Variants in PRAMEF14 observed in about 807,000 individuals in gnomAD.
The protein encoded by PRAMEF14 is PRAME family member 14.
Under a neutral mutation model 38.3 loss-of-function variants are expected in PRAMEF14, and 24 were observed. The observed-to-expected ratio is 0.63, with a 90% CI of 0.45 to 0.88. The LOEUF (loss-of-function observed/expected upper bound fraction) is 0.88, where lower values mean the gene tolerates loss of function less well. PRAMEF14 is among the 40% of genes least tolerant of loss of function. The pLI is 0.00. For missense variants in PRAMEF14, 477 were observed against 570.8 expected, an observed-to-expected ratio of 0.84 and a Z score of 1.67; for synonymous variants, 194 against 226.4, an observed-to-expected ratio of 0.86 and a Z score of 1.29.
Position 13,344,114 on chromosome 1 carries a change from G to A in PRAMEF14, c.790C>T (p.Leu264Phe). 1 of 1,606,818 alleles carries A rather than the reference G, an allele frequency of 6.2e-7. No homozygotes were observed. The highest frequency in any genetic ancestry group is 8.5e-7 in the Non-Finnish European group (1 of 1,177,336). ...AGCAACTGGAGGTGTTCCAGCCTGA[G>A]GAACACAGAGCTGAATTTGGTGACT... ...RLVTKFSSVF[L>F]RLEHLQLLKI... Residue 264 changes from leucine to phenylalanine, a missense_variant, in exon 3 of 4, where the codon CTC becomes TTC. Physicochemically the swap from Leu to Phe is conservative, Grantham distance 22 (BLOSUM62 0). Transcript: ENST00000334600.
chr1:13,345,366 A>G lies in PRAMEF14; in HGVS notation c.-25-27T>C, dbSNP rs3951381. 3.7e-5 allele frequency: 59 copies of G among 1,594,124 alleles called. 3 individuals are homozygous for G. The highest frequency in any genetic ancestry group is 9.0e-5 in the South Asian group (8 of 89,052). On this transcript the variant is annotated intron_variant, in intron 1 of 3. Transcript: ENST00000334600. Reference sequence around the variant, plus strand: ...TAGAAGACAAATCCAGGGAAAATGTATCACTCTCATGGCAAACACAATCAT... The same window carrying G: ...TAGAAGACAAATCCAGGGAAAATGTGTCACTCTCATGGCAAACACAATCAT...
chr1:13,342,201 G>A lies in PRAMEF14; in HGVS notation c.*327C>T. On this transcript the variant is annotated 3_prime_UTR_variant, in exon 4 of 4. Coordinates refer to ENST00000334600, the MANE Select transcript of PRAMEF14 (RefSeq NM_001024661.2). Reference sequence around the variant, plus strand: ...ACATTTTCCTCCAGCCTTGCCCCCTGCTGTTATGTTTTTTTCCCTCACACT... The same window carrying A: ...ACATTTTCCTCCAGCCTTGCCCCCTACTGTTATGTTTTTTTCCCTCACACT... 2.7e-6 allele frequency: 1 copy of A among 376,604 alleles called. No homozygotes were observed. The highest frequency in any genetic ancestry group is 4.8e-6 in the Non-Finnish European group (1 of 209,866). 23.3% of individuals were successfully genotyped at this position (376,604 alleles called of 1,614,324 possible).
In PRAMEF14 at chr1:13,344,475, C is replaced by T. The variant is rs1256628019; in HGVS notation, c.429G>A (p.Glu143=). 51 of 1,607,062 alleles carry T rather than the reference C, an allele frequency of 3.2e-5. No individual in the cohort carries two copies. The Admixed American group carries it at 6.9e-4, about 22-fold the overall frequency. ...QTAEDCPRMG[E]HQPLKVFIDI... ...CTATGAACACCTTTAAGGGCTGGTG[C>T]TCTCCCATCCTTGGACAGTCCTCTG... The change falls in exon 3 of 4, where the codon GAG becomes GAA. Residue 143 remains glutamate (E), a synonymous_variant. Coordinates refer to ENST00000334600, the MANE Select transcript of PRAMEF14 (RefSeq NM_001024661.2).
chr1:13,342,596 C>G lies in PRAMEF14; in HGVS notation c.1357G>C (p.Gly453Arg), dbSNP rs776618897. 2.5e-6 allele frequency: 4 copies of G among 1,604,062 alleles called. 1 individual carries two copies. Among genetic ancestry groups the G allele is most frequent in the Non-Finnish European group, 3.4e-6 (4 of 1,177,354 alleles). ...EVRQPKRIFIGPTPCPSCGSS... is the reference protein window; with the variant it reads ...EVRQPKRIFIRPTPCPSCGSS... Reference sequence around the variant, plus strand: ...CCACAGGAAGGGCAGGGGGTGGGACCAATGAAGATCCTCTTGGGCTGCCTG... The same window carrying G: ...CCACAGGAAGGGCAGGGGGTGGGACGAATGAAGATCCTCTTGGGCTGCCTG... Residue 453 changes from glycine to arginine, a missense_variant, in exon 4 of 4, where the codon GGT becomes CGT. This residue lies in a region of PRAMEF14 where 151 missense variants were observed against 137.4 expected (regional missense o/e 1.10). Transcript: ENST00000334600.
Position 13,344,029 on chromosome 1 carries a change from C to G in PRAMEF14, c.866+9G>C. The G allele has an allele frequency of 6.2e-7, 1 of 1,608,232 alleles. No homozygotes were observed. The highest frequency in any genetic ancestry group is 8.5e-7 in the Non-Finnish European group (1 of 1,178,474). On this transcript the variant is annotated intron_variant, in intron 3 of 3. Transcript: ENST00000334600. ...TGGTCTGCATATAAAGTGCATGATC[C>G]TTCCTCACCTGATCAGCTGTTCCAG...
At chr1:13,345,536 G>C (rs1640390568) in intron 1 of PRAMEF14, among the ~76,000 whole-genome samples, 197 bp from the exon 2 acceptor site, 1 of 150,768 alleles carries the variant, frequency 6.6e-6, no homozygotes, top group Admixed American at 6.6e-5. Context: ...TGAAAGCCAA[G>C]CTCTACCTCT....
chr1:13,345,386 A>T, intron 1 of PRAMEF14, 47 bp from the exon 2 acceptor site: 1 of 1,535,150 alleles, frequency 6.5e-7, no homozygotes, highest in Non-Finnish European at 8.8e-7. Context: ...TGGCAAACAC[A>T]ATCATCTGCT....
intron 1 of PRAMEF14, among the ~76,000 whole-genome samples, chr1:13,346,499 C>G (rs1233215536): frequency 4.0e-5 from 6 of 149,420 alleles, no homozygotes; most frequent in Non-Finnish European, 8.9e-5. Context: ...AATAGGGAAA[C>G]TCCATCTCAA....
At chr1:13,343,911 A>G in intron 3 of PRAMEF14, 127 bp downstream of exon 3, 1 of 1,506,474 alleles carries the variant, frequency 6.6e-7, no homozygotes, top group African/African-American at 1.4e-5. Context: ...CAATGTGTTG[A>G]CATTCTGGTG....
At chr1:13,345,448 A>T (rs1640389298) in intron 1 of PRAMEF14, 109 bp from the exon 2 acceptor site, 2 of 1,344,666 alleles carry the variant, frequency 1.5e-6, no homozygotes, top group Admixed American at 2.3e-5. Flanking sequence ...GGAGGGGTCA[A>T]GGAGACCACT....
At chr1:13,346,453 A>T (rs1640405939) in intron 1 of PRAMEF14, among the ~76,000 whole-genome samples, 1 of 150,540 alleles carries the variant, frequency 6.6e-6, no homozygotes, top group African/African-American at 2.4e-5. Context: ...AATTTCAGTG[A>T]GCCAAATCAC....
At position 13,342,241 on chromosome 1, in the gene PRAMEF14, G is replaced by C; in HGVS notation, c.*287C>G. ...TCCCTCACACTGAGCACTTCCCTGT[G>C]CTTCCTTTAAGTTGCATGTGGCCTG... On this transcript the variant is annotated 3_prime_UTR_variant, in exon 4 of 4. Transcript: ENST00000334600. 2.0e-6 allele frequency: 1 copy of C among 504,210 alleles called. No individual in the cohort carries two copies. The highest frequency in any genetic ancestry group is 3.4e-6 in the Non-Finnish European group (1 of 296,372). The allele number at this position is 504,210 out of a possible 1,614,324, so 31.2% of individuals were successfully genotyped here.
Position 13,344,612 on chromosome 1 carries a change from A to G in PRAMEF14, c.292T>C (p.Trp98Arg), listed in dbSNP as rs1308572099. 48 of 1,604,046 alleles carry G rather than the reference A, an allele frequency of 3.0e-5. 1 individual carries two copies. Among genetic ancestry groups the G allele is most frequent in the Middle Eastern group, 4.5e-4 (2 of 4,420 alleles). The change falls in exon 3 of 4, where the codon TGG becomes CGG. Residue 98 changes from tryptophan (W) to arginine (R), a missense_variant. By Grantham distance (101) the Trp-to-Arg change is moderately radical (BLOSUM62 -3). Transcript: ENST00000334600. Reference sequence around the variant, plus strand: ...CGCAAATCCAGCACTTGAAGTTTCCACCTCCTGTGGGTAAAGTAAGGGAGA... The same window carrying G: ...CGCAAATCCAGCACTTGAAGTTTCCGCCTCCTGTGGGTAAAGTAAGGGAGA... Reference protein sequence around the residue: ...LLTQKDRPRRWKLQVLDLRDV... With the variant: ...LLTQKDRPRRRKLQVLDLRDV...
intron 3 of PRAMEF14, 34 bp from the exon 4 acceptor site, chr1:13,343,120 G>A (rs1441204774): frequency 1.8e-5 from 29 of 1,601,802 alleles, no homozygotes; most frequent in South Asian, 5.5e-5. Context: ...CTGGGCAATG[G>A]TACCAGTTAG....
Position 13,342,170 on chromosome 1 carries a change from A to T in PRAMEF14, c.*358T>A, listed in dbSNP as rs1298965831. On this transcript the variant is annotated 3_prime_UTR_variant, in exon 4 of 4. Coordinates refer to ENST00000334600, the MANE Select transcript of PRAMEF14 (RefSeq NM_001024661.2). ...GGTCCCTGAAGTTCTCATTGATGTC[A>T]CCTCAACATTTTCCTCCAGCCTTGC... is the stretch of plus-strand genomic sequence containing the variant. The T allele has an allele frequency of 6.7e-6, 2 of 299,626 alleles. No homozygotes were observed. The highest frequency in any genetic ancestry group is 1.2e-5 in the Non-Finnish European group (2 of 160,124). 18.6% of individuals were successfully genotyped at this position (299,626 alleles called of 1,614,324 possible).
intron 3 of PRAMEF14, 137 bp from the exon 4 acceptor site, chr1:13,343,223 G>A: frequency 1.5e-6 from 1 of 674,378 alleles, no homozygotes; most frequent in Non-Finnish European, 2.5e-6. Context: ...GGAAGTTGCT[G>A]CATGATGAGG....
Position 13,342,471 on chromosome 1 carries a change from T to A in PRAMEF14, c.*57A>T. On this transcript the variant is annotated 3_prime_UTR_variant, in exon 4 of 4. Coordinates refer to ENST00000334600, the MANE Select transcript of PRAMEF14 (RefSeq NM_001024661.2). ...TTTGCACCTACATAGTAGATTTTAG[T>A]GTCCCAGTGCCTGGAAGAGAACTTT... The A allele has an allele frequency of 6.3e-7, 1 of 1,594,428 alleles. No homozygotes were observed. The highest frequency in any genetic ancestry group is 8.5e-7 in the Non-Finnish European group (1 of 1,170,732).
At chr1:13,343,903 A>C in intron 3 of PRAMEF14, 135 bp downstream of exon 3, 29 of 1,501,282 alleles carry the variant, frequency 1.9e-5, no homozygotes, top group Non-Finnish European at 2.6e-5. Flanking sequence ...GAATGGGACA[A>C]TGTGTTGACA....
chr1:13,342,668 T>C lies in PRAMEF14; in HGVS notation c.1285A>G (p.Ile429Val), dbSNP rs535997345. 1.2e-6 allele frequency: 2 copies of C among 1,604,876 alleles called. No individual in the cohort carries two copies. The highest frequency in any genetic ancestry group is 2.7e-5 in the African/African-American group (2 of 74,544). The change falls in exon 4 of 4, where the codon ATC becomes GTC. Residue 429 changes from isoleucine to valine, a missense_variant. Transcript: ENST00000334600. ...AGCTCAGCCCGAAGTAGGGCGAAGATCTCCCAATCGACACGAACCAAGGAA... is the reference window on the plus strand; with the variant it reads ...AGCTCAGCCCGAAGTAGGGCGAAGACCTCCCAATCGACACGAACCAAGGAA... ...LNSLVRVDWE[I>V]FALLRAELMC...
Sources: allele counts gnomAD v4.1 joint callset (sites outside exome capture counted in the v4.1 genomes callset), GRCh38; gene constraint gnomAD v4.1.1; regional missense constraint gnomAD v4.1.1; transcripts MANE v1.5; gene names NCBI Gene and HGNC (gene_info 2026-07-23, HGNC 2026-07-21).